Variants in TEF observed in about 807,000 individuals in gnomAD.
TEF encodes the protein thyrotroph embryonic factor.
TEF carries 3 observed loss-of-function variants against 20.8 expected under a neutral mutation model. The ratio of observed to expected loss-of-function variants is 0.14; its 90% CI spans 0.07 to 0.37. TEF has a LOEUF of 0.37. Ranked by LOEUF, TEF falls within the 10% of genes least tolerant of loss-of-function variation. The probability of loss-of-function intolerance (pLI) is 1.00; values close to 1 mark genes in which losing one functional copy is unlikely to be tolerated. For missense variants in TEF, 296 were observed against 397.9 expected (o/e 0.74, Z 2.18); for synonymous variants, 180 against 171.1 (o/e 1.05, Z -0.41).
At chr22:41,380,148 A>AT (rs2036997762), upstream of TEF, among the ~76,000 whole-genome samples, 1 of 151,722 alleles carries the variant, frequency 6.6e-6, no homozygotes, top group Admixed American at 6.6e-5. Context: ...CCGCAAAATT[A>AT]TTTTTATTTA....
At chr22:41,380,740 G>A (rs563040078), upstream of TEF, among the ~76,000 whole-genome samples, 6 of 152,270 alleles carry the variant, frequency 3.9e-5, no homozygotes, top group Non-Finnish European at 8.8e-5. Flanking sequence ...TTCCATTTGT[G>A]TACCGCGCCA....
intron 1 of TEF, 119 bp from the exon 2 acceptor site, chr22:41,387,232 G>A: frequency 2.7e-6 from 3 of 1,091,814 alleles, no homozygotes; most frequent in Non-Finnish European, 4.0e-6. Flanking sequence ...TTCTTGAAAT[G>A]CATGGGTTGG....
rs2037112024 is a variant in TEF at position 41,387,467 on chromosome 22, G to A, written c.274G>A (p.Glu92Lys). 4 of 1,614,208 alleles carry A rather than the reference G, an allele frequency of 2.5e-6. No individual in the cohort carries two copies. The highest frequency in any genetic ancestry group is 2.5e-6 in the Non-Finnish European group (3 of 1,180,040). Residue 92 changes from glutamate to lysine, a missense_variant, in exon 2 of 4, where the codon GAA becomes AAA. Physicochemically the swap from Glu to Lys is moderately conservative, Grantham distance 56. This residue lies in a region of TEF where 194 missense variants were observed against 317.8 expected (regional missense o/e 0.61). Transcript: ENST00000266304. ...IWDKTIPYDG[E>K]SFHLEYMDLD... ...GGACAAGACCATCCCATATGATGGC[G>A]AATCTTTCCACCTGGAGTACATGGA...
chr22:41,386,783 G>T (rs968958402), intron 1 of TEF, among the ~76,000 whole-genome samples: 1 of 151,962 alleles, frequency 6.6e-6, no homozygotes, highest in Non-Finnish European at 1.5e-5. Context: ...GCCAGGCATA[G>T]TGGCTCATGC....
chr22:41,374,938 G>C (rs1164123863), intron 1 of TEF, among the ~76,000 whole-genome samples: 1 of 152,064 alleles, frequency 6.6e-6, no homozygotes, highest in African/African-American at 2.4e-5. Flanking sequence ...AAATCCACAT[G>C]TAAGTAGACT....
rs777394991 is a variant in TEF, at chr22:41,397,989, C to T, written c.*2029C>T. On this transcript the variant is annotated 3_prime_UTR_variant, in exon 4 of 4. Transcript: ENST00000266304. Reference sequence around the variant, plus strand: ...GAGCCCGGTGGCTGGGATGGTGGCTCGATGTGTCTCCTCTTTATCCCGCCC... The same window carrying T: ...GAGCCCGGTGGCTGGGATGGTGGCTTGATGTGTCTCCTCTTTATCCCGCCC... 2 of 152,196 alleles carry T rather than the reference C, an allele frequency of 1.3e-5. No individual in the cohort carries two copies. The highest frequency in any genetic ancestry group is 4.8e-5 in the African/African-American group (2 of 41,440). The allele number at this position is 152,196 out of a possible 1,614,324, so 9.4% of individuals were successfully genotyped here.
At chr22:41,391,284 T>C (rs138367655) in intron 2 of TEF, among the ~76,000 whole-genome samples, 179 of 152,128 alleles carry the variant, frequency 1.2e-3, no homozygotes, top group African/African-American at 4.1e-3. Context: ...TGATTTTTTG[T>C]TGGGGTTGGA....
chr22:41,369,565 C>T (rs1328274852), intron 1 of TEF, among the ~76,000 whole-genome samples: 1 of 152,200 alleles, frequency 6.6e-6, no homozygotes, highest in African/African-American at 2.4e-5. Context: ...CACATTACTG[C>T]CCCCTAATCT....
upstream of TEF, chr22:41,377,150 C>T (rs989249695): frequency 9.2e-5 from 14 of 152,188 alleles, no homozygotes; most frequent in African/African-American, 2.9e-4. Context: ...AGGCGCACCA[C>T]CACACTCAGC....
Position 41,398,226 on chromosome 22 carries a change from C to T in TEF, c.*2266C>T, listed in dbSNP as rs2037253719. The T allele has an allele frequency of 1.3e-5, 2 of 153,372 alleles. No homozygotes were observed. The highest frequency in any genetic ancestry group is 4.1e-4 in the South Asian group (2 of 4,832). The allele number at this position is 153,372 out of a possible 1,614,324, so 9.5% of individuals were successfully genotyped here. A position where few individuals can be genotyped will look rare whatever the true frequency, so the allele number is the denominator to read the frequency against. ...AGGTAAGGTTGTCTCCTCTCCTGTC[C>T]TAAAAAAATCCATGCTTGCAGGAGA... On this transcript the variant is annotated 3_prime_UTR_variant, in exon 4 of 4. Transcript: ENST00000266304.
At chr22:41,373,763 C>T (rs959377292) in intron 1 of TEF, among the ~76,000 whole-genome samples, 7 of 135,634 alleles carry the variant, frequency 5.2e-5, no homozygotes, top group Admixed American at 1.7e-4. Flanking sequence ...TCACCACGCC[C>T]GGACTTTTTT....
intron 1 of TEF, among the ~76,000 whole-genome samples, chr22:41,372,955 A>T (rs1196717602): frequency 2.0e-5 from 3 of 152,188 alleles, no homozygotes; most frequent in Non-Finnish European, 4.4e-5. Context: ...CCATGGCTGC[A>T]GAAAGCAAGC....
chr22:41,390,296 C>T (rs1601823485), intron 2 of TEF, among the ~76,000 whole-genome samples: 2 of 152,056 alleles, frequency 1.3e-5, no homozygotes, highest in South Asian at 4.2e-4. Context: ...TTGTGTAGAC[C>T]CTGCCAAATA....
chr22:41,398,684 T>C lies in TEF; in HGVS notation c.*2724T>C, dbSNP rs572632849. On this transcript the variant is annotated 3_prime_UTR_variant, in exon 4 of 4. Transcript: ENST00000266304. ...AAGGAAGAGGTTTTCCTGTCTGGCT[T>C]CTGAGGTTGGAGGGGGCACTTAGCA... 8 of 152,480 alleles carry C rather than the reference T, an allele frequency of 5.2e-5. No individual in the cohort carries two copies. Among genetic ancestry groups the C allele is most frequent in the African/African-American group, 1.9e-4 (8 of 41,550 alleles). 9.4% of individuals were successfully genotyped at this position (152,480 alleles called of 1,614,324 possible).
At chr22:41,370,137 T>TA in intron 1 of TEF, 1 of 973,426 alleles carries the variant, frequency 1.0e-6, no homozygotes, top group Non-Finnish European at 1.2e-6. Flanking sequence ...TTTTTTGAGA[T>TA]AAGAGTCTTG....
Position 41,387,698 on chromosome 22 carries a change from C to A in TEF, c.475+30C>A, listed in dbSNP as rs1421515494. 6.3e-6 allele frequency: 10 copies of A among 1,577,690 alleles called. No individual in the cohort carries two copies. In the East Asian group the frequency reaches 2.3e-4, roughly 37 times the overall value. On this transcript the variant is annotated intron_variant, in intron 2 of 3. Transcript: ENST00000266304. ...GTGAAAGGCCATCGAGGAGGGCCAC[C>A]TGTCCCATCCAGGGAAGTCCATTTC...
upstream of TEF, chr22:41,381,919 C>CG (rs1401239567): frequency 4.9e-6 from 6 of 1,225,926 alleles, no homozygotes; most frequent in Middle Eastern, 3.1e-4. Flanking sequence ...TGGAAGGAGG[C>CG]GGGGGCGCCA....
chr22:41,392,670 C>CAAAAA (rs920294546), intron 2 of TEF, among the ~76,000 whole-genome samples: 10 of 39,324 alleles, frequency 2.5e-4, no homozygotes, highest in African/African-American at 5.0e-4. Flanking sequence ...TGAGACTCTT[C>CAAAAA]AAAAAAAAAA....
chr22:41,371,282 C>T (rs761792558), intron 1 of TEF, among the ~76,000 whole-genome samples: 5 of 152,258 alleles, frequency 3.3e-5, no homozygotes, highest in Non-Finnish European at 7.3e-5. Context: ...CTCAGGCCTC[C>T]GTTTCAGGGA....
Sources: allele counts gnomAD v4.1 joint callset (sites outside exome capture counted in the v4.1 genomes callset), GRCh38; gene constraint gnomAD v4.1.1; regional missense constraint gnomAD v4.1.1; transcripts MANE v1.5; gene names NCBI Gene and HGNC (gene_info 2026-07-23, HGNC 2026-07-21).